CNTNAP2: variants seen among roughly 807,000 people sequenced by gnomAD.
CNTNAP2 encodes the protein contactin associated protein 2, also known as contactin-associated protein-like 2.
A neutral mutation model predicts 155.2 loss-of-function variants in CNTNAP2; 98 were observed. The observed-to-expected ratio is 0.63, with a 90% CI of 0.54 to 0.75. The LOEUF (loss-of-function observed/expected upper bound fraction) is 0.75. Ranked by LOEUF, CNTNAP2 falls within the 30% of genes least tolerant of loss-of-function variation. The pLI is 0.00. For missense variants in CNTNAP2, 1,727 were observed against 1,688.1 expected, an observed-to-expected ratio of 1.02 and a Z score of -0.40; for synonymous variants, 651 against 631.2, an observed-to-expected ratio of 1.03 and a Z score of -0.47.
intron 1 of CNTNAP2, among the ~76,000 whole-genome samples, chr7:146,768,562 G>T (rs981426776): frequency 6.6e-6 from 1 of 151,934 alleles, no homozygotes; most frequent in African/African-American, 2.4e-5. Flanking sequence ...CAGGGTAAAT[G>T]TGCAGGTATA....
chr7:147,028,859 G>C (rs1045104333), intron 3 of CNTNAP2, among the ~76,000 whole-genome samples: 3 of 151,446 alleles, frequency 2.0e-5, no homozygotes, highest in African/African-American at 4.9e-5. Context: ...AGCGAGAACA[G>C]CATGACCTTT....
chr7:147,852,538 C>T (rs777972192), intron 13 of CNTNAP2, among the ~76,000 whole-genome samples: 1 of 152,150 alleles, frequency 6.6e-6, no homozygotes, highest in Non-Finnish European at 1.5e-5. Flanking sequence ...AATTAACACT[C>T]TAATGTTGAG....
At chr7:147,103,425 C>G (rs1794492340) in intron 4 of CNTNAP2, among the ~76,000 whole-genome samples, 1 of 151,988 alleles carries the variant, frequency 6.6e-6, no homozygotes, top group African/African-American at 2.4e-5. Context: ...GCAAAATAAG[C>G]AAATTCTATC....
intron 8 of CNTNAP2, among the ~76,000 whole-genome samples, chr7:147,226,643 A>T (rs975795825): frequency 6.6e-6 from 1 of 152,130 alleles, no homozygotes; most frequent in African/African-American, 2.4e-5. Context: ...TTTAAAGAAA[A>T]CTGTTTTAGA....
intron 8 of CNTNAP2, among the ~76,000 whole-genome samples, chr7:147,142,522 G>T (rs557438161): frequency 2.0e-4 from 31 of 152,164 alleles, no homozygotes; most frequent in African/African-American, 7.2e-4. Context: ...CAGGGATATT[G>T]GTCTAAAATT....
intron 3 of CNTNAP2, among the ~76,000 whole-genome samples, chr7:146,864,990 T>TAAAAAAA (rs55646482): frequency 3.6e-5 from 3 of 83,996 alleles, no homozygotes; most frequent in Admixed American, 1.4e-4. Flanking sequence ...AGAGTCTATC[T>TAAAAAAA]AAAAAAAAAA....
chr7:147,239,902 T>C (rs1803900207), intron 8 of CNTNAP2, among the ~76,000 whole-genome samples: 1 of 152,186 alleles, frequency 6.6e-6, no homozygotes, highest in Non-Finnish European at 1.5e-5. Context: ...CTTTTTCATA[T>C]ATAATATTTT....
intron 8 of CNTNAP2, among the ~76,000 whole-genome samples, chr7:147,277,283 A>C (rs1467995967): frequency 6.6e-6 from 1 of 152,014 alleles, no homozygotes; most frequent in African/African-American, 2.4e-5. Flanking sequence ...TTCTCCATTT[A>C]CGTAGTCATA....
chr7:146,996,832 CT>C (rs1377653172), intron 3 of CNTNAP2, among the ~76,000 whole-genome samples: 1 of 152,112 alleles, frequency 6.6e-6, no homozygotes, highest in Non-Finnish European at 1.5e-5. Flanking sequence ...GTAATTCCCA[CT>C]TGTTGTGGGA....
At chr7:148,320,575 G>A (rs931748712) in intron 21 of CNTNAP2, among the ~76,000 whole-genome samples, 2 of 151,548 alleles carry the variant, frequency 1.3e-5, no homozygotes, top group Non-Finnish European at 2.9e-5. Flanking sequence ...GTAGAGATGG[G>A]GTTTCATCAT....
chr7:146,220,034 C>G (rs1185768301), intron 1 of CNTNAP2, among the ~76,000 whole-genome samples: 1 of 152,116 alleles, frequency 6.6e-6, no homozygotes, highest in Non-Finnish European at 1.5e-5. Context: ...CGAGCTGACA[C>G]TAAATCCAGT....
intron 15 of CNTNAP2, among the ~76,000 whole-genome samples, chr7:148,115,729 C>G (rs1202166110): frequency 6.6e-6 from 1 of 152,160 alleles, no homozygotes; most frequent in East Asian, 1.9e-4. Flanking sequence ...AAGCGCCTTT[C>G]TGTTCCTGTT....
chr7:147,123,061 T>A (rs1013997419), intron 6 of CNTNAP2, among the ~76,000 whole-genome samples: 2 of 152,146 alleles, frequency 1.3e-5, no homozygotes, highest in African/African-American at 4.8e-5. Flanking sequence ...TAAACACTGA[T>A]GGAGACTTTA....
chr7:146,144,311 C>T (rs1388029370), intron 1 of CNTNAP2, among the ~76,000 whole-genome samples: 1 of 152,042 alleles, frequency 6.6e-6, no homozygotes, highest in East Asian at 1.9e-4. Flanking sequence ...ACCAGCGTGC[C>T]TGGCTAATTT....
chr7:147,921,812 C>A (rs1201014390), intron 14 of CNTNAP2, among the ~76,000 whole-genome samples: 2 of 152,148 alleles, frequency 1.3e-5, no homozygotes, highest in African/African-American at 2.4e-5. Flanking sequence ...AGGGGACCAA[C>A]TAGACAAGGA....
At chr7:146,209,012 C>T (rs1489390472) in intron 1 of CNTNAP2, among the ~76,000 whole-genome samples, 2 of 152,004 alleles carry the variant, frequency 1.3e-5, no homozygotes, top group East Asian at 1.9e-4. Flanking sequence ...ACCTTTGAGC[C>T]TTTTATGCTG....
chr7:146,826,857 T>TATATATAG (rs773069615), intron 2 of CNTNAP2, among the ~76,000 whole-genome samples: 14 of 138,968 alleles, frequency 1.0e-4, no homozygotes, highest in African/African-American at 3.5e-4. Flanking sequence ...TATATATATA[T>TATATATAG]AGAGAGAGAG....
chr7:147,936,260 C>A (rs555465254), intron 14 of CNTNAP2, among the ~76,000 whole-genome samples: 1 of 151,588 alleles, frequency 6.6e-6, no homozygotes, highest in African/African-American at 2.4e-5. Flanking sequence ...GATCTAATCT[C>A]TTTGCCAGGG....
intron 13 of CNTNAP2, among the ~76,000 whole-genome samples, chr7:147,667,475 A>G (rs995587892): frequency 2.0e-5 from 3 of 152,204 alleles, no homozygotes; most frequent in South Asian, 2.1e-4. Flanking sequence ...GTCTCCAAGC[A>G]TATCACTAAA....
Sources: gnomAD v4.1 joint callset for allele counts (sites outside exome capture counted in the v4.1 genomes callset) on GRCh38, gnomAD v4.1.1 for gene constraint, MANE v1.5 for transcripts, NCBI Gene and HGNC (gene_info 2026-07-23, HGNC 2026-07-21) for gene names.